STK4: variants seen among roughly 807,000 people sequenced by gnomAD.
STK4 encodes serine/threonine-protein kinase 4.
A neutral mutation model predicts 64.9 loss-of-function variants in STK4; 30 were observed. The ratio of observed to expected loss-of-function variants is 0.46; its 90% CI spans 0.35 to 0.63. The LOEUF is 0.63. Ranked by LOEUF, STK4 falls within the 20% of genes least tolerant of loss-of-function variation. The probability of loss-of-function intolerance (pLI) is 0.01; values close to 1 mark genes in which losing one functional copy is unlikely to be tolerated. For missense variants in STK4, 466 were observed against 598.5 expected (o/e 0.78, Z 2.31); for synonymous variants, 177 against 199.0 (o/e 0.89, Z 0.93).
chr20:45,052,815 T>G (rs891868475), intron 10 of STK4, among the ~76,000 whole-genome samples: 2 of 152,180 alleles, frequency 1.3e-5, no homozygotes, highest in Admixed American at 6.5e-5. Context: ...GAATGGAGAC[T>G]ATGTTTGGTG....
intron 9 of STK4, among the ~76,000 whole-genome samples, chr20:45,023,888 C>T (rs1000469396): frequency 6.8e-6 from 1 of 146,630 alleles, no homozygotes; most frequent in Admixed American, 6.8e-5. Context: ...CTGTTCAATA[C>T]TAACTTCTTT....
chr20:45,007,617 T>C (rs1167095955), intron 9 of STK4, among the ~76,000 whole-genome samples: 2 of 152,090 alleles, frequency 1.3e-5, no homozygotes, highest in Non-Finnish European at 2.9e-5. Context: ...GAGCTTCTGA[T>C]TTGTTTTGGT....
intron 9 of STK4, among the ~76,000 whole-genome samples, chr20:45,020,705 G>T (rs572991284): frequency 1.6e-4 from 24 of 152,216 alleles, no homozygotes; most frequent in African/African-American, 4.6e-4. Context: ...AACAGCTGGG[G>T]ATGGCTGATT....
intron 10 of STK4, among the ~76,000 whole-genome samples, chr20:45,071,227 G>A (rs571052397): frequency 1.3e-5 from 2 of 152,302 alleles, no homozygotes; most frequent in East Asian, 3.9e-4. Flanking sequence ...CCCATACCTC[G>A]TGAAAACAGC....
At chr20:44,992,316 T>C (rs2067650310) in intron 5 of STK4, among the ~76,000 whole-genome samples, 1 of 152,014 alleles carries the variant, frequency 6.6e-6, no homozygotes. Context: ...TGGAGTACAG[T>C]GGCATGATCA....
intron 10 of STK4, among the ~76,000 whole-genome samples, chr20:45,040,510 A>G (rs1431332007): frequency 6.6e-6 from 1 of 151,892 alleles, no homozygotes. Context: ...TAAATGTTTT[A>G]TTGAGGTATG....
At chr20:45,010,307 C>T (rs1403910632) in intron 9 of STK4, among the ~76,000 whole-genome samples, 6 of 152,038 alleles carry the variant, frequency 3.9e-5, no homozygotes, top group African/African-American at 1.4e-4. Context: ...CCTTGTGATC[C>T]GCCTGCCTCT....
At chr20:44,999,317 C>T (rs1460267426) in intron 7 of STK4, among the ~76,000 whole-genome samples, 1 of 152,116 alleles carries the variant, frequency 6.6e-6, no homozygotes, top group Non-Finnish European at 1.5e-5. Context: ...TCTTTTTCTA[C>T]CTGGATGGGG....
chr20:45,067,206 A>G (rs747594792), intron 10 of STK4, among the ~76,000 whole-genome samples: 1 of 152,022 alleles, frequency 6.6e-6, no homozygotes, highest in Non-Finnish European at 1.5e-5. Context: ...TTTAGCTTCT[A>G]TCGAGCTTCC....
chr20:44,988,559 A>C (rs1196873466), intron 5 of STK4, among the ~76,000 whole-genome samples: 2 of 116,504 alleles, frequency 1.7e-5, no homozygotes, highest in South Asian at 5.1e-4. Context: ...ATATATATAT[A>C]TATATATATG....
chr20:45,039,471 C>G (rs961349857), intron 10 of STK4, among the ~76,000 whole-genome samples: 6 of 152,054 alleles, frequency 3.9e-5, no homozygotes, highest in African/African-American at 7.2e-5. Flanking sequence ...CTACAACACT[C>G]TTAGTTGTTT....
In STK4 at chr20:45,075,033, G is replaced by A. The variant is rs750610796; in HGVS notation, c.1321G>A (p.Val441Met). ...TCTCTTCTAGCTTAAGAGTTGGACA[G>A]TGGAGGACCTTCAGAAGAGGCTCTT... is the stretch of plus-strand genomic sequence containing the variant. ...GDYEFLKSWT[V>M]EDLQKRLLAL... Residue 441 changes from valine to methionine, a missense_variant, in exon 11 of 11, where the codon GTG becomes ATG. Physicochemically the swap from Val to Met is conservative, Grantham distance 21. Transcript: ENST00000372806. 2 of 1,614,226 alleles carry A rather than the reference G, an allele frequency of 1.2e-6. No individual in the cohort carries two copies. The highest frequency in any genetic ancestry group is 2.2e-5 in the South Asian group (2 of 91,086).
Position 44,972,093 on chromosome 20 carries a change from G to A in STK4, c.51G>A (p.Leu17=). 1.2e-6 allele frequency: 2 copies of A among 1,613,788 alleles called. No homozygotes were observed. The highest frequency in any genetic ancestry group is 8.5e-7 in the Non-Finnish European group (1 of 1,179,900). ...RNPPRRQLKK[L]DEDSLTKQPE... is the part of the protein sequence containing the mutation. ...TTATTCACAGGCAGCTGAAAAAGTT[G>A]GATGAAGATAGTTTAACCAAACAAC... is the stretch of plus-strand genomic sequence containing the variant. Residue 17 remains leucine (L), a synonymous_variant, in exon 2 of 11, where the codon TTG becomes TTA. Transcript: ENST00000372806.
chr20:45,074,348 A>G (rs1209733001), intron 10 of STK4, among the ~76,000 whole-genome samples: 2 of 152,182 alleles, frequency 1.3e-5, no homozygotes, highest in African/African-American at 2.4e-5. Context: ...TCTTTGGATG[A>G]TAGAAACTTA....
chr20:44,984,765 G>T (rs1289429510), intron 4 of STK4, among the ~76,000 whole-genome samples: 2 of 151,630 alleles, frequency 1.3e-5, no homozygotes, highest in Admixed American at 1.3e-4. Flanking sequence ...AAGTAAAGCA[G>T]ATTATCAAAA....
At chr20:44,986,364 C>T (rs987618248) in intron 4 of STK4, among the ~76,000 whole-genome samples, 8 of 151,982 alleles carry the variant, frequency 5.3e-5, no homozygotes, top group Non-Finnish European at 1.2e-4. Flanking sequence ...TTGAAAAGTC[C>T]CAGAAAGGGG....
At chr20:45,064,375 T>G (rs1250130334) in intron 10 of STK4, among the ~76,000 whole-genome samples, 2 of 151,990 alleles carry the variant, frequency 1.3e-5, no homozygotes, top group East Asian at 3.8e-4. Flanking sequence ...AACCTGCAGC[T>G]TTGTTTTTTT....
rs1379088602 is a variant in STK4, at chr20:45,077,458, C to CA, written c.*2284dup. ...CGCTCTTGTCGCCCAGGCTGGAGTACAATGGCACGATCTTGGCTCACTGCA... is the reference window on the plus strand; with the variant it reads ...CGCTCTTGTCGCCCAGGCTGGAGTACAAATGGCACGATCTTGGCTCACTGCA... On this transcript the variant is annotated 3_prime_UTR_variant, in exon 11 of 11. Coordinates refer to ENST00000372806, the MANE Select transcript of STK4 (RefSeq NM_006282.5). The CA allele has an allele frequency of 2.0e-5, 3 of 152,682 alleles. No homozygotes were observed. The highest frequency in any genetic ancestry group is 7.2e-5 in the African/African-American group (3 of 41,448). 9.5% of individuals were successfully genotyped at this position (152,682 alleles called of 1,614,324 possible). A position where few individuals can be genotyped will look rare whatever the true frequency, so the allele number is the denominator to read the frequency against.
intron 10 of STK4, among the ~76,000 whole-genome samples, chr20:45,040,285 T>C (rs2145417219): frequency 6.6e-6 from 1 of 152,196 alleles, no homozygotes; most frequent in East Asian, 1.9e-4. Flanking sequence ...AGGTACAATG[T>C]ATACAGAAAA....
Sources: allele counts gnomAD v4.1 joint callset (sites outside exome capture counted in the v4.1 genomes callset), GRCh38; gene constraint gnomAD v4.1.1; transcripts MANE v1.5; gene names NCBI Gene and HGNC (gene_info 2026-07-23, HGNC 2026-07-21).